Variants in NRXN3 observed in about 807,000 individuals in gnomAD.
NRXN3 encodes neurexin 3, also known as neurexin III.
Under a neutral mutation model 137.6 loss-of-function variants are expected in NRXN3, and 32 were observed. The ratio of observed to expected loss-of-function variants is 0.23; its 90% confidence interval spans 0.18 to 0.31. The LOEUF (loss-of-function observed/expected upper bound fraction) is 0.31, where lower values mean the gene tolerates loss of function less well. Ranked by LOEUF, NRXN3 falls within the 10% of genes least tolerant of loss-of-function variation. The pLI is 1.00. For synonymous variants in NRXN3, 798 were observed against 784.5 expected (o/e 1.02, Z -0.29); for missense variants, 1,574 against 2,062.5 (o/e 0.76, Z 4.59).
chr14:78,282,296 T>C (rs2074513290), intron 3 of NRXN3: 1 of 399,238 alleles, frequency 2.5e-6, no homozygotes, highest in Non-Finnish European at 5.1e-6. Flanking sequence ...CATTTGGAGG[T>C]GAGGAAGAGG....
intron 4 of NRXN3, among the ~76,000 whole-genome samples, chr14:78,632,840 C>T (rs2097533348): frequency 6.6e-6 from 1 of 152,048 alleles, no homozygotes; most frequent in Non-Finnish European, 1.5e-5. Context: ...CTATTTACAT[C>T]GTGTTTGTTT....
chr14:78,783,818 A>G (rs2098778871), intron 8 of NRXN3, among the ~76,000 whole-genome samples: 1 of 152,176 alleles, frequency 6.6e-6, no homozygotes, highest in Non-Finnish European at 1.5e-5. Context: ...AAATGTATGT[A>G]CCAGATAGAA....
chr14:78,289,559 A>G (rs546155898), intron 3 of NRXN3, among the ~76,000 whole-genome samples: 1 of 149,976 alleles, frequency 6.7e-6, no homozygotes, highest in South Asian at 2.1e-4. Context: ...TTATTATTTT[A>G]CTCTCTGTTC....
At chr14:79,539,065 G>T (rs1396280880) in intron 16 of NRXN3, among the ~76,000 whole-genome samples, 2 of 152,240 alleles carry the variant, frequency 1.3e-5, no homozygotes, top group Non-Finnish European at 2.9e-5. Context: ...TTGTTTGTTG[G>T]TTGGTTGGTT....
chr14:79,422,294 G>T (rs772395579), intron 15 of NRXN3, among the ~76,000 whole-genome samples: 12 of 151,900 alleles, frequency 7.9e-5, no homozygotes, highest in Non-Finnish European at 1.6e-4. Context: ...GAACTCCTGG[G>T]CTCAAGCATT....
At chr14:79,189,151 T>C (rs1168010345) in intron 15 of NRXN3, among the ~76,000 whole-genome samples, 1 of 151,668 alleles carries the variant, frequency 6.6e-6, no homozygotes, top group African/African-American at 2.4e-5. Flanking sequence ...TGTCCAACAA[T>C]GATAGACTGG....
At chr14:78,225,461 T>C (rs1245984244) in intron 1 of NRXN3, among the ~76,000 whole-genome samples, 2 of 150,730 alleles carry the variant, frequency 1.3e-5, no homozygotes, top group Non-Finnish European at 3.0e-5. Context: ...GTTTTTTTCT[T>C]GTAAATTTGT....
chr14:78,974,623 A>T (rs906514333), intron 14 of NRXN3, among the ~76,000 whole-genome samples: 1 of 152,216 alleles, frequency 6.6e-6, no homozygotes, highest in African/African-American at 2.4e-5. Flanking sequence ...CTTTATTGGC[A>T]CGAACTTTCC....
At chr14:79,829,813 CTT>C (rs145106560) in intron 20 of NRXN3, among the ~76,000 whole-genome samples, 1 of 149,854 alleles carries the variant, frequency 6.7e-6, no homozygotes, top group African/African-American at 2.5e-5. Flanking sequence ...AATCCAATGA[CTT>C]TTTTTTTTAT....
chr14:79,166,429 A>G (rs968496450), intron 15 of NRXN3, among the ~76,000 whole-genome samples: 1 of 151,582 alleles, frequency 6.6e-6, no homozygotes, highest in Non-Finnish European at 1.5e-5. Flanking sequence ...ACGTTCATCT[A>G]TAAAAAGTGG....
intron 4 of NRXN3, among the ~76,000 whole-genome samples, chr14:78,420,801 G>T (rs936049147): frequency 3.3e-5 from 5 of 152,198 alleles, no homozygotes; most frequent in Admixed American, 6.5e-5. Context: ...ATGCAAACTG[G>T]TGGCTCTGAC....
At chr14:79,425,982 G>C (rs2095649427) in intron 15 of NRXN3, among the ~76,000 whole-genome samples, 1 of 152,104 alleles carries the variant, frequency 6.6e-6, no homozygotes, top group Admixed American at 6.5e-5. Flanking sequence ...GAGGGGATGA[G>C]AGTCTGGAGA....
At chr14:79,512,031 C>T (rs2096937099) in intron 16 of NRXN3, among the ~76,000 whole-genome samples, 1 of 152,172 alleles carries the variant, frequency 6.6e-6, no homozygotes, top group South Asian at 2.1e-4. Context: ...TCCCAAGTAG[C>T]TGGGATTACA....
chr14:78,952,267 A>G (rs2099388583), intron 10 of NRXN3, among the ~76,000 whole-genome samples: 1 of 152,182 alleles, frequency 6.6e-6, no homozygotes, highest in Non-Finnish European at 1.5e-5. Context: ...ACGCTTTAAA[A>G]CTAAGTTTGT....
intron 15 of NRXN3, among the ~76,000 whole-genome samples, chr14:79,365,725 C>CAAAAAAAAAA (rs569855024): frequency 0.024 from 1,005 of 42,062 alleles, 123 homozygotes; most frequent in Middle Eastern, 0.05. Context: ...GACTCTGTCT[C>CAAAAAAAAAA]AAAAAAAAAA....
At chr14:79,398,339 A>C (rs2095086327) in intron 15 of NRXN3, among the ~76,000 whole-genome samples, 1 of 152,280 alleles carries the variant, frequency 6.6e-6, no homozygotes, top group East Asian at 1.9e-4. Context: ...AGTTCTTTGC[A>C]AGATGTTTTA....
intron 15 of NRXN3, among the ~76,000 whole-genome samples, chr14:79,190,593 A>T (rs117969843): frequency 6.6e-6 from 1 of 152,166 alleles, no homozygotes; most frequent in African/African-American, 2.4e-5. Context: ...CCAAACGCCA[A>T]TAATGTTTGG....
chr14:78,821,235 A>G (rs947047521), intron 10 of NRXN3, among the ~76,000 whole-genome samples: 1 of 152,194 alleles, frequency 6.6e-6, no homozygotes, highest in Non-Finnish European at 1.5e-5. Context: ...AGGAGATGAC[A>G]GAGAAATGAA....
intron 15 of NRXN3, among the ~76,000 whole-genome samples, chr14:79,234,146 C>T (rs1305400166): frequency 6.6e-6 from 1 of 150,952 alleles, no homozygotes; most frequent in African/African-American, 2.4e-5. Flanking sequence ...TTCAGCCCAG[C>T]ATTGGATATG....
Sources: gnomAD v4.1 joint callset for allele counts (sites outside exome capture counted in the v4.1 genomes callset) on GRCh38, gnomAD v4.1.1 for gene constraint, MANE v1.5 for transcripts, NCBI Gene and HGNC (gene_info 2026-07-23, HGNC 2026-07-21) for gene names.